MINDY4B: variants seen among roughly 807,000 people sequenced by gnomAD.
MINDY4B encodes the protein inactive ubiquitin carboxyl-terminal hydrolase MINDY-4B.
In MINDY4B, 25 loss-of-function variants were observed where a neutral mutation model predicts 16.7. That is an observed-to-expected ratio of 1.49 (90% CI 1.09 to 2.09). MINDY4B has a LOEUF of 2.09. Among genes scored for constraint, MINDY4B ranks in the 30% most tolerant of loss-of-function variants. MINDY4B has a pLI of 0.00. For synonymous variants in MINDY4B, 132 were observed against 61.9 expected (o/e 2.13, Z -5.32); for missense variants, 327 against 168.4 (o/e 1.94, Z -5.21).
chr3:150,880,382 T>G (rs1204036155), intron 10 of MINDY4B, among the ~76,000 whole-genome samples: 1 of 151,874 alleles, frequency 6.6e-6, no homozygotes, highest in Non-Finnish European at 1.5e-5. Context: ...GGCATGAAAG[T>G]GGATGGTACA....
chr3:150,890,583 C>T, intron 6 of MINDY4B, 198 bp from the exon 7 acceptor site: 1 of 493,224 alleles, frequency 2.0e-6, no homozygotes, highest in Non-Finnish European at 3.6e-6. Flanking sequence ...ATCACTTCTA[C>T]ATTCCTCAGT....
intron 11 of MINDY4B, among the ~76,000 whole-genome samples, chr3:150,871,807 T>A (rs1254740420): frequency 6.6e-6 from 1 of 152,170 alleles, no homozygotes; most frequent in East Asian, 1.9e-4. Context: ...ATCACGCCAC[T>A]GCACTCCAGC....
At position 150,890,288 on chromosome 3, in the gene MINDY4B, T is replaced by C. The variant is rs1378946309; in HGVS notation, c.753+32A>G. ...AAGATCCCTGTAAGATCAGTCAACATAAAGGAATTATCTCAACACTTAAAC... is the reference window on the plus strand; with the variant it reads ...AAGATCCCTGTAAGATCAGTCAACACAAAGGAATTATCTCAACACTTAAAC... On this transcript the variant is annotated intron_variant, in intron 7 of 11. Coordinates refer to ENST00000465419, the MANE Select transcript of MINDY4B (RefSeq NM_001351281.2). 1.0e-5 allele frequency: 5 copies of C among 476,888 alleles called. No individual in the cohort carries two copies. The Admixed American group carries it at 1.2e-4, about 11-fold the overall frequency. The allele number at this position is 476,888 out of a possible 1,614,324, so 29.5% of individuals were successfully genotyped here.
Position 150,891,117 on chromosome 3 carries a change from G to C in MINDY4B, c.522-14C>G, listed in dbSNP as rs1161811130. On this transcript the variant is annotated splice_polypyrimidine_tract_variant and intron_variant, in intron 5 of 11. Transcript: ENST00000465419. ...ATTTCACATAAGCTATAATGCAGAA[G>C]GCAGGAGTAGGAAACCATTGGAATG... The C allele has an allele frequency of 1.4e-6, 1 of 693,322 alleles. No homozygotes were observed. Among genetic ancestry groups the C allele is most frequent in the Non-Finnish European group, 2.7e-6 (1 of 377,088 alleles). The allele number at this position is 693,322 out of a possible 1,614,324, so 42.9% of individuals were successfully genotyped here. A position where few individuals can be genotyped will look rare whatever the true frequency, so the allele number is the denominator to read the frequency against.
In MINDY4B at chr3:150,905,429, T is replaced by C. The variant is rs1384891761; in HGVS notation, c.11A>G (p.Glu4Gly). 1.0e-5 allele frequency: 4 copies of C among 398,446 alleles called. No individual in the cohort carries two copies. Among genetic ancestry groups the C allele is most frequent in the Non-Finnish European group, 1.3e-5 (3 of 225,980 alleles). The allele number at this position is 398,446 out of a possible 1,614,324, so 24.7% of individuals were successfully genotyped here. ...GGAGCTTTGTTCCTGGCCCAAGACCTCCATATCCATTTGGATAATGGGAGG... is the reference window on the plus strand; with the variant it reads ...GGAGCTTTGTTCCTGGCCCAAGACCCCCATATCCATTTGGATAATGGGAGG... MDM[E>G]VLGQEQSSEQ... Residue 4 changes from glutamate (E) to glycine (G), a missense_variant, in exon 1 of 12, where the codon GAG (glutamate) becomes GGG (glycine). Transcript: ENST00000465419.
rs540508142 is a variant in MINDY4B at position 150,871,844 on chromosome 3, C to CCAAA, written c.1241-658_1241-657insTTTG. ...TGGGCGACAGAGTGAGACTCCATCTCCAACCAACCAACCAACCGACCCCAC... is the reference window on the plus strand; with the variant it reads ...TGGGCGACAGAGTGAGACTCCATCTCCAAACAACCAACCAACCAACCGACCCCAC... On this transcript the variant is annotated intron_variant, in intron 11 of 11. Transcript: ENST00000465419. Among the ~76,000 whole-genome samples the CCAAA allele has an allele frequency of 3.4e-5, 5 of 147,750 alleles. No homozygotes were observed. In the South Asian group the frequency reaches 1.0e-3, roughly 31 times the overall value.
chr3:150,892,059 C>T (rs536631720), intron 5 of MINDY4B, among the ~76,000 whole-genome samples: 94 of 152,320 alleles, frequency 6.2e-4, no homozygotes, highest in Non-Finnish European at 1.2e-3. Flanking sequence ...ATGGACTCAT[C>T]CTCCAGCTAC....
intron 5 of MINDY4B, among the ~76,000 whole-genome samples, chr3:150,892,390 A>G (rs1488938890): frequency 1.3e-5 from 2 of 152,214 alleles, no homozygotes; most frequent in Non-Finnish European, 2.9e-5. Flanking sequence ...CACTTGCGTC[A>G]AGAATCCACA....
chr3:150,898,800 A>G (rs534423859), intron 3 of MINDY4B, among the ~76,000 whole-genome samples: 1 of 152,152 alleles, frequency 6.6e-6, no homozygotes, highest in South Asian at 2.1e-4. Context: ...CACACATTTT[A>G]TACACACATT....
rs552225183 is a variant in MINDY4B at position 150,898,846 on chromosome 3, G to C, written c.309+4403C>G. ...GGCCCTGAATCATTCTTTCCAACAGGGTTAATGTTCTTACCCTGACTGCCT... is the reference window on the plus strand; with the variant it reads ...GGCCCTGAATCATTCTTTCCAACAGCGTTAATGTTCTTACCCTGACTGCCT... On this transcript the variant is annotated intron_variant, in intron 3 of 11. Transcript: ENST00000465419. Among the ~76,000 whole-genome samples, 5 of 152,208 alleles carry C rather than the reference G, an allele frequency of 3.3e-5. No individual in the cohort carries two copies. The South Asian group carries it at 1.0e-3, about 32-fold the overall frequency.
At chr3:150,876,820 A>T (rs1456271666) in intron 10 of MINDY4B, among the ~76,000 whole-genome samples, 1 of 152,116 alleles carries the variant, frequency 6.6e-6, no homozygotes, top group Non-Finnish European at 1.5e-5. Context: ...GGCAGGTGTG[A>T]AGATAATGTG....
chr3:150,902,405 A>G (rs563495015), intron 3 of MINDY4B, among the ~76,000 whole-genome samples: 1 of 152,332 alleles, frequency 6.6e-6, no homozygotes, highest in East Asian at 1.9e-4. Context: ...TGTCTTGAGA[A>G]GTCCCGAGTT....
chr3:150,890,444 A>G, intron 6 of MINDY4B, 59 bp from the exon 7 acceptor site: 2 of 563,308 alleles, frequency 3.6e-6, no homozygotes, highest in South Asian at 2.3e-5. Flanking sequence ...CATCTAAGAG[A>G]TGTCAACTCA....
chr3:150,889,066 T>C (rs1164908169), intron 7 of MINDY4B, among the ~76,000 whole-genome samples: 1 of 152,226 alleles, frequency 6.6e-6, no homozygotes, highest in Non-Finnish European at 1.5e-5. Flanking sequence ...ACATTTCACG[T>C]CAGGTACTTA....
chr3:150,893,922 T>C (rs1048658041), intron 4 of MINDY4B, among the ~76,000 whole-genome samples: 1 of 152,122 alleles, frequency 6.6e-6, no homozygotes, highest in African/African-American at 2.4e-5. Flanking sequence ...AACTCCTGAC[T>C]TCAGGTGATC....
In MINDY4B at chr3:150,891,105, T is replaced by G. The variant is rs1404444407; in HGVS notation, c.522-2A>C. 2 of 698,774 alleles carry G rather than the reference T, an allele frequency of 2.9e-6. No individual in the cohort carries two copies. Among genetic ancestry groups the G allele is most frequent in the Non-Finnish European group, 5.2e-6 (2 of 381,546 alleles). The allele number at this position is 698,774 out of a possible 1,614,324, so 43.3% of individuals were successfully genotyped here. ...TCCTTCTTGCTTATTTCACATAAGC[T>G]ATAATGCAGAAGGCAGGAGTAGGAA... is the stretch of plus-strand genomic sequence containing the variant. On this transcript the variant is annotated splice_acceptor_variant, in intron 5 of 11. Coordinates refer to ENST00000465419, the MANE Select transcript of MINDY4B (RefSeq NM_001351281.2). LOFTEE classifies it high-confidence loss of function.
intron 2 of MINDY4B, among the ~76,000 whole-genome samples, chr3:150,904,544 C>A (rs560827840): frequency 2.0e-5 from 3 of 152,284 alleles, no homozygotes; most frequent in Non-Finnish European, 4.4e-5. Flanking sequence ...AATACAAAGT[C>A]CATTACCTTC....
At chr3:150,873,163 AC>A (rs996724487) in intron 11 of MINDY4B, 23 bp downstream of exon 11, 10 of 693,230 alleles carry the variant, frequency 1.4e-5, no homozygotes, top group Non-Finnish European at 2.4e-5. Flanking sequence ...AAAATCCACA[AC>A]ACCTGGAGTC....
intron 3 of MINDY4B, among the ~76,000 whole-genome samples, chr3:150,897,047 T>C (rs1336607889): frequency 2.0e-5 from 3 of 152,224 alleles, no homozygotes; most frequent in African/African-American, 4.8e-5. Flanking sequence ...TGCCCTTTAC[T>C]GTACTGTCCT....
Sources: allele counts gnomAD v4.1 joint callset (sites outside exome capture counted in the v4.1 genomes callset), GRCh38; gene constraint gnomAD v4.1.1; transcripts MANE v1.5; gene names NCBI Gene and HGNC (gene_info 2026-07-23, HGNC 2026-07-21).